Variants in TMEM100 observed in about 807,000 individuals in gnomAD.
TMEM100 encodes transmembrane protein 100.
For synonymous variants in TMEM100, 61 were observed against 67.1 expected (o/e 0.91, Z 0.44); for missense variants, 137 against 168.2 (o/e 0.81, Z 1.02).
intron 1 of TMEM100, chr17:55,721,822 TAA>T (rs1375733490): frequency 1.3e-5 from 2 of 152,090 alleles, no homozygotes; most frequent in African/African-American, 4.8e-5. Context: ...CAATCTGCTA[TAA>T]AAGAGAAAAA....
chr17:55,730,526 T>C (rs1909177472), intron 1 of TMEM100, among the ~76,000 whole-genome samples: 1 of 152,194 alleles, frequency 6.6e-6, no homozygotes, highest in African/African-American at 2.4e-5. Flanking sequence ...TGGCATGCTT[T>C]CTGTAGCTCA....
intron 1 of TMEM100, 51 bp from the exon 2 acceptor site, chr17:55,721,186 G>A (rs1908875437): frequency 7.9e-7 from 1 of 1,268,560 alleles, no homozygotes; most frequent in African/African-American, 1.5e-5. Context: ...TGTACACCCT[G>A]TAAGCAGAAA....
chr17:55,726,139 G>A (rs977451539), upstream of TMEM100, among the ~76,000 whole-genome samples: 16 of 152,134 alleles, frequency 1.1e-4, no homozygotes, highest in African/African-American at 3.1e-4. Flanking sequence ...AGGATGTCAA[G>A]GCACCATAGA....
At chr17:55,727,442 T>G (rs1368027161), upstream of TMEM100, among the ~76,000 whole-genome samples, 1 of 152,062 alleles carries the variant, frequency 6.6e-6, no homozygotes, top group Non-Finnish European at 1.5e-5. Flanking sequence ...ACACCATACT[T>G]GTTTTTTTTT....
chr17:55,725,079 C>T (rs1909026396), upstream of TMEM100, among the ~76,000 whole-genome samples: 1 of 152,234 alleles, frequency 6.6e-6, no homozygotes, highest in South Asian at 2.1e-4. Flanking sequence ...AGAAGCCTGT[C>T]ATCCTAACCA....
upstream of TMEM100, among the ~76,000 whole-genome samples, chr17:55,724,054 A>G (rs373256203): frequency 2.6e-5 from 4 of 152,180 alleles, no homozygotes; most frequent in Admixed American, 2.0e-4. Context: ...TTTCATCTGC[A>G]CAAGTGTTAA....
chr17:55,719,771 T>A lies in TMEM100; in HGVS notation c.*895A>T, dbSNP rs1172930128. On this transcript the variant is annotated 3_prime_UTR_variant, in exon 2 of 2. Coordinates refer to ENST00000424486, the MANE Select transcript of TMEM100 (RefSeq NM_018286.3). ...ATTCAGAAGTAATGAAAAACCAATA[T>A]GATAAAAACAAAAATCCTCCAGTAA... The A allele has an allele frequency of 6.6e-6, 1 of 152,386 alleles. No homozygotes were observed. Among genetic ancestry groups the A allele is most frequent in the Non-Finnish European group, 1.5e-5 (1 of 68,006 alleles). The allele number at this position is 152,386 out of a possible 1,614,324, so 9.4% of individuals were successfully genotyped here.
In TMEM100 at chr17:55,719,906, T is replaced by C. The variant is rs190645149; in HGVS notation, c.*760A>G. The stretch of plus-strand genomic sequence containing the variant: ...AAATAACTATAGCAGAAACAACCAT[T>C]TAAGAAGTTTTAGCAGCAATAAGTA... On this transcript the variant is annotated 3_prime_UTR_variant, in exon 2 of 2. Transcript: ENST00000424486. 405 of 152,720 alleles carry C rather than the reference T, an allele frequency of 2.7e-3. 3 individuals carry two copies. The highest frequency in any genetic ancestry group is 9.4e-3 in the African/African-American group (389 of 41,554). 9.5% of individuals were successfully genotyped at this position (152,720 alleles called of 1,614,324 possible).
intron 1 of TMEM100, among the ~76,000 whole-genome samples, chr17:55,729,127 AC>A (rs546926938): frequency 2.7e-4 from 41 of 152,340 alleles, no homozygotes; most frequent in African/African-American, 8.7e-4. Context: ...TGCATTATAA[AC>A]AGTAGCCTGA....
intron 1 of TMEM100, among the ~76,000 whole-genome samples, chr17:55,731,347 G>C (rs1237719339): frequency 6.6e-6 from 1 of 152,064 alleles, no homozygotes; most frequent in Non-Finnish European, 1.5e-5. Context: ...GAACATTTCT[G>C]ACTCTCCAAT....
At position 55,720,589 on chromosome 17, in the gene TMEM100, C is replaced by T. The variant is rs1908836910; in HGVS notation, c.*77G>A. ...CAACGCCAAGTCTGTTCTCTCCCAC[C>T]ATGGTTCTGGGTGAATTGGGTGACA... On this transcript the variant is annotated 3_prime_UTR_variant, in exon 2 of 2. Transcript: ENST00000424486. The T allele has an allele frequency of 2.6e-6, 4 of 1,520,504 alleles. No individual in the cohort carries two copies. Among genetic ancestry groups the T allele is most frequent in the Non-Finnish European group, 3.5e-6 (4 of 1,134,680 alleles). 94.2% of individuals were successfully genotyped at this position (1,520,504 alleles called of 1,614,324 possible). A position where few individuals can be genotyped will look rare whatever the true frequency, so the allele number is the denominator to read the frequency against.
rs767413875 is a variant in TMEM100, at chr17:55,721,095, G to C, written c.-25C>G. ...TTTTTACAACAGTGCTTCTAAGCTG[G>C]GTTTACAGACTAGATCTGGACAGTC... On this transcript the variant is annotated 5_prime_UTR_variant, in exon 2 of 2. Coordinates refer to ENST00000424486, the MANE Select transcript of TMEM100 (RefSeq NM_018286.3). 1 of 1,586,178 alleles carries C rather than the reference G, an allele frequency of 6.3e-7. No individual in the cohort carries two copies. Among genetic ancestry groups the C allele is most frequent in the East Asian group, 2.2e-5 (1 of 44,776 alleles).
At position 55,720,852 on chromosome 17, in the gene TMEM100, C is replaced by G. The variant is rs570453335; in HGVS notation, c.219G>C (p.Ala73=). The change falls in exon 2 of 2, where the codon GCG becomes GCC. Residue 73 remains alanine (A), a synonymous_variant. Transcript: ENST00000424486. ...CATGGGAATTGAAGCTGTAAGCCAC[C>G]GCGGTGACCACGATGCCGGCGATGA... ...VVFIAGIVVT[A]VAYSFNSHGS... 3 of 1,614,168 alleles carry G rather than the reference C, an allele frequency of 1.9e-6. No homozygotes were observed. Among genetic ancestry groups the G allele is most frequent in the Non-Finnish European group, 1.7e-6 (2 of 1,180,016 alleles).
chr17:55,723,765 T>C (rs920706652), upstream of TMEM100, among the ~76,000 whole-genome samples: 1 of 152,208 alleles, frequency 6.6e-6, no homozygotes, highest in African/African-American at 2.4e-5. Flanking sequence ...CCTACCTATG[T>C]TGAGACCTCT....
chr17:55,732,048 A>G (rs370803364), exon 1 of TMEM100: 5 of 152,384 alleles, frequency 3.3e-5, no homozygotes, highest in South Asian at 2.1e-4. Flanking sequence ...TCTCTCTGGG[A>G]ACAGGAAGCA....
chr17:55,730,671 C>A (rs931215588), intron 1 of TMEM100, among the ~76,000 whole-genome samples: 21 of 152,274 alleles, frequency 1.4e-4, no homozygotes, highest in African/African-American at 5.1e-4. Flanking sequence ...CTCAACAAAT[C>A]TTTTGGGAGC....
Position 55,720,056 on chromosome 17 carries a change from T to A in TMEM100, c.*610A>T, listed in dbSNP as rs967427669. On this transcript the variant is annotated 3_prime_UTR_variant, in exon 2 of 2. Coordinates refer to ENST00000424486, the MANE Select transcript of TMEM100 (RefSeq NM_018286.3). ...CTATTAGCTATAACTTTAATGGGTT[T>A]TTCTTTACTTCTGATACATCATTAC... 6.6e-6 allele frequency: 1 copy of A among 152,656 alleles called. No individual in the cohort carries two copies. The highest frequency in any genetic ancestry group is 2.4e-5 in the African/African-American group (1 of 41,464). The allele number at this position is 152,656 out of a possible 1,614,324, so 9.5% of individuals were successfully genotyped here.
chr17:55,726,374 A>T (rs992867725), upstream of TMEM100, among the ~76,000 whole-genome samples: 4 of 152,118 alleles, frequency 2.6e-5, no homozygotes, highest in Non-Finnish European at 5.9e-5. Context: ...CAAAGAGGTC[A>T]TTTTGCCCAT....
chr17:55,724,298 A>G (rs3760279), upstream of TMEM100, among the ~76,000 whole-genome samples: 4,702 of 152,294 alleles, frequency 0.031, 153 homozygotes, highest in East Asian at 0.16. Context: ...TTTATTCTGG[A>G]ATGAAAGCCA....
Sources: gnomAD v4.1 joint callset for allele counts (sites outside exome capture counted in the v4.1 genomes callset) on GRCh38, gnomAD v4.1.1 for gene constraint, MANE v1.5 for transcripts, NCBI Gene and HGNC (gene_info 2026-07-23, HGNC 2026-07-21) for gene names.